The following KLF8 variants were observed in gnomAD, a reference collection of about 807,000 sequenced individuals.
KLF8 encodes the protein Krueppel-like factor 8.
A neutral mutation model predicts 18.2 loss-of-function variants in KLF8; 10 were observed. The ratio of observed to expected loss-of-function variants is 0.55; its 90% CI spans 0.34 to 0.93. The LOEUF (loss-of-function observed/expected upper bound fraction) is 0.93. KLF8 is among the 40% of genes least tolerant of loss of function. KLF8 has a pLI of 0.02. For synonymous variants in KLF8, 109 were observed against 97.3 expected (o/e 1.12, Z -0.71); for missense variants, 264 against 277.9 (o/e 0.95, Z 0.36).
intron 2 of KLF8, among the ~76,000 whole-genome samples, chrX:56,264,493 A>C (rs1476083679): frequency 1.8e-5 from 2 of 110,338 alleles, no homozygotes; most frequent in Non-Finnish European, 3.8e-5. Flanking sequence ...TAGATCATTT[A>C]TTAGTTTTTT....
chrX:56,108,575 T>G, the KLF8 span, among the ~76,000 whole-genome samples: 3 of 112,316 alleles, frequency 2.7e-5, no homozygotes, highest in Admixed American at 1.9e-4. Flanking sequence ...ATTTGCATCT[T>G]TATCTGTTTT....
the KLF8 span, chrX:55,962,301 G>T: frequency 5.5e-6 from 1 of 182,038 alleles, no homozygotes; most frequent in Non-Finnish European, 1.1e-5. Flanking sequence ...ACCCACATCT[G>T]GCAACACATA....
At chrX:56,171,527 T>G in the KLF8 span, among the ~76,000 whole-genome samples, 1 of 108,816 alleles carries the variant, frequency 9.2e-6, no homozygotes, top group Non-Finnish European at 1.9e-5. Flanking sequence ...TCCCCCTCCC[T>G]GAACCCCACA....
the KLF8 span, among the ~76,000 whole-genome samples, chrX:56,009,345 C>T: frequency 7.2e-5 from 8 of 111,188 alleles, no homozygotes; most frequent in Admixed American, 1.9e-4. Context: ...CAAACTTCAG[C>T]AGGCCTGTGG....
At chrX:56,121,724 C>T in the KLF8 span, among the ~76,000 whole-genome samples, 1 of 112,149 alleles carries the variant, frequency 8.9e-6, no homozygotes, top group African/African-American at 3.2e-5. Flanking sequence ...TTCATTATTG[C>T]CACAGTACCT....
chrX:56,287,438 C>G lies in KLF8; in HGVS notation c.*2944C>G, dbSNP rs1468154503. On this transcript the variant is annotated 3_prime_UTR_variant, in exon 6 of 6. Coordinates refer to ENST00000468660, the MANE Select transcript of KLF8 (RefSeq NM_007250.5). Reference sequence around the variant, plus strand: ...GAGGTGGAAAGGAACTAAAATGTATCTCTCTTGAATAGCATTTGGGGTTCA... The same window carrying G: ...GAGGTGGAAAGGAACTAAAATGTATGTCTCTTGAATAGCATTTGGGGTTCA... 1 of 112,028 alleles carries G rather than the reference C, an allele frequency of 8.9e-6. No homozygotes were observed. Among genetic ancestry groups the G allele is most frequent in the Non-Finnish European group, 1.9e-5 (1 of 53,228 alleles). The allele number at this position is 112,028 out of a possible 1,213,427, so 9.2% of individuals were successfully genotyped here.
At chrX:56,029,029 G>A in the KLF8 span, among the ~76,000 whole-genome samples, 644 of 110,903 alleles carry the variant, frequency 5.8e-3, 4 homozygotes, top group Non-Finnish European at 9.1e-3. Context: ...TCTAAAATGT[G>A]CCTGTATTCC....
chrX:56,167,990 T>C, the KLF8 span, among the ~76,000 whole-genome samples: 3 of 112,140 alleles, frequency 2.7e-5, no homozygotes, highest in Non-Finnish European at 5.6e-5. Context: ...AATGGAGCTA[T>C]ATCTCCACAT....
At chrX:55,990,604 C>G in the KLF8 span, among the ~76,000 whole-genome samples, 2 of 111,743 alleles carry the variant, frequency 1.8e-5, no homozygotes, top group Non-Finnish European at 3.8e-5. Flanking sequence ...AGTTTTTCTG[C>G]TCTGCTTTTT....
the KLF8 span, among the ~76,000 whole-genome samples, chrX:56,185,252 TC>T: frequency 9.0e-6 from 1 of 111,302 alleles, no homozygotes; most frequent in African/African-American, 3.3e-5. Flanking sequence ...GCCAACAAGA[TC>T]AACTGGAAGA....
At chrX:56,024,476 A>G in the KLF8 span, among the ~76,000 whole-genome samples, 1 of 111,653 alleles carries the variant, frequency 9.0e-6, no homozygotes, top group Non-Finnish European at 1.9e-5. Context: ...AGGACGAGCC[A>G]CGGACAAAAC....
the KLF8 span, among the ~76,000 whole-genome samples, chrX:56,069,066 T>C: frequency 3.6e-5 from 4 of 111,575 alleles, no homozygotes; most frequent in African/African-American, 9.8e-5. Flanking sequence ...TGAACTATGC[T>C]GGCATGCACA....
chrX:56,211,392 GTC>G, the KLF8 span, among the ~76,000 whole-genome samples: 1 of 112,454 alleles, frequency 8.9e-6, no homozygotes, highest in South Asian at 3.7e-4. Context: ...GAGTCTCTCT[GTC>G]TCTTCTGAGC....
the KLF8 span, among the ~76,000 whole-genome samples, chrX:56,125,050 TC>T: frequency 8.9e-6 from 1 of 112,323 alleles, no homozygotes; most frequent in Non-Finnish European, 1.9e-5. Context: ...GCACCAGTTT[TC>T]CAGTTTTTGC....
chrX:56,220,657 G>C, the KLF8 span, among the ~76,000 whole-genome samples: 1 of 110,225 alleles, frequency 9.1e-6, no homozygotes. Flanking sequence ...AGCTAATTCT[G>C]TTTGTATTTT....
At chrX:55,941,415 C>A in the KLF8 span, among the ~76,000 whole-genome samples, 1 of 111,653 alleles carries the variant, frequency 9.0e-6, no homozygotes, top group South Asian at 3.7e-4. Flanking sequence ...ACCATAAAAA[C>A]CCTAGAAGAA....
At chrX:56,091,027 G>A in the KLF8 span, among the ~76,000 whole-genome samples, 2 of 111,747 alleles carry the variant, frequency 1.8e-5, no homozygotes. Context: ...CTCCATTGAT[G>A]GACACCTATG....
the KLF8 span, among the ~76,000 whole-genome samples, chrX:56,169,577 G>A: frequency 8.9e-6 from 1 of 111,737 alleles, no homozygotes; most frequent in Non-Finnish European, 1.9e-5. Flanking sequence ...TGTGATGGTG[G>A]TAGCCATGGA....
At chrX:56,061,146 T>C in the KLF8 span, among the ~76,000 whole-genome samples, 1 of 111,692 alleles carries the variant, frequency 9.0e-6, no homozygotes, top group East Asian at 2.8e-4. Flanking sequence ...TTGAAGGGTG[T>C]TTTGTGTCTC....
Sources: gnomAD v4.1 joint callset for allele counts (sites outside exome capture counted in the v4.1 genomes callset) on GRCh38, gnomAD v4.1.1 for gene constraint, MANE v1.5 for transcripts, NCBI Gene and HGNC (gene_info 2026-07-23, HGNC 2026-07-21) for gene names.